Variants in SRSF5 observed in about 807,000 individuals in gnomAD.
SRSF5 encodes the protein serine and arginine rich splicing factor 5.
A neutral mutation model predicts 34.0 loss-of-function variants in SRSF5; 5 were observed. The ratio of observed to expected loss-of-function variants is 0.15; its 90% CI spans 0.08 to 0.31. The LOEUF is 0.31. Ranked by LOEUF, SRSF5 falls within the 10% of genes least tolerant of loss-of-function variation. SRSF5 has a pLI of 1.00. For missense variants in SRSF5, 223 were observed against 351.4 expected (o/e 0.63, Z 2.92); for synonymous variants, 164 against 117.7 (o/e 1.39, Z -2.55).
At position 69,770,928 on chromosome 14, in the gene SRSF5, A is replaced by G. The variant is rs945484138; in HGVS notation, c.441-67A>G. 7 of 1,353,194 alleles carry G rather than the reference A, an allele frequency of 5.2e-6. No individual in the cohort carries two copies. In the African/African-American group the frequency reaches 5.9e-5, roughly 11 times the overall value. 83.8% of individuals were successfully genotyped at this position (1,353,194 alleles called of 1,614,324 possible). A position where few individuals can be genotyped will look rare whatever the true frequency, so the allele number is the denominator to read the frequency against. ...GTGAACATAGAAACGACTTACCTAG[A>G]CTGCTGTGTGCAATGTGTGAGACTA... On this transcript the variant is annotated intron_variant, in intron 6 of 7. Coordinates refer to ENST00000557154, the MANE Select transcript of SRSF5 (RefSeq NM_001320214.2).
In SRSF5 at chr14:69,771,171, T is replaced by G. The variant is rs752768919; in HGVS notation, c.552-23T>G. ...GTTTGTTGTAGAGTCTTATCTAGGCTGATTTCTTTTCATTTTTCATAGTAG... is the reference window on the plus strand; with the variant it reads ...GTTTGTTGTAGAGTCTTATCTAGGCGGATTTCTTTTCATTTTTCATAGTAG... On this transcript the variant is annotated intron_variant, in intron 7 of 7. Transcript: ENST00000557154. 3.1e-6 allele frequency: 5 copies of G among 1,613,846 alleles called. No homozygotes were observed. In the South Asian group the frequency reaches 5.5e-5, roughly 18 times the overall value.
chr14:69,767,655 G>A (rs1049104468), intron 1 of SRSF5: 46 of 390,798 alleles, frequency 1.2e-4, no homozygotes, highest in African/African-American at 9.1e-4. Flanking sequence ...GCGCAGCTCT[G>A]CTGCCTTTGA....
chr14:69,768,594 T>TA lies in SRSF5; in HGVS notation c.127-9dup. 1 of 1,613,828 alleles carries TA rather than the reference T, an allele frequency of 6.2e-7. No individual in the cohort carries two copies. The highest frequency in any genetic ancestry group is 8.5e-7 in the Non-Finnish European group (1 of 1,179,692). On this transcript the variant is annotated splice_polypyrimidine_tract_variant and intron_variant, in intron 2 of 7. Coordinates refer to ENST00000557154, the MANE Select transcript of SRSF5 (RefSeq NM_001320214.2). ...AAGCCAATGTTAAGAGTCTTATGCT[T>TA]ACATTTTAGGAATTTGAGGATCCAA... is the stretch of plus-strand genomic sequence containing the variant.
intron 6 of SRSF5, 76 bp from the exon 7 acceptor site, chr14:69,770,919 C>G: frequency 7.8e-7 from 1 of 1,284,854 alleles, no homozygotes; most frequent in Non-Finnish European, 1.1e-6. Context: ...ATAGAAACGA[C>G]TTACCTAGAC....
At position 69,768,590 on chromosome 14, in the gene SRSF5, T is replaced by C. The variant is rs758364052; in HGVS notation, c.127-14T>C. The C allele has an allele frequency of 3.1e-5, 50 of 1,613,462 alleles. No homozygotes were observed. Among genetic ancestry groups the C allele is most frequent in the Admixed American group, 2.7e-4 (16 of 60,006 alleles). On this transcript the variant is annotated splice_polypyrimidine_tract_variant and intron_variant, in intron 2 of 7. Coordinates refer to ENST00000557154, the MANE Select transcript of SRSF5 (RefSeq NM_001320214.2). ...TCTAAAGCCAATGTTAAGAGTCTTA[T>C]GCTTACATTTTAGGAATTTGAGGAT...
In SRSF5 at chr14:69,771,687, T is replaced by C; in HGVS notation, c.*226T>C. The C allele has an allele frequency of 1.8e-6, 1 of 547,916 alleles. No individual in the cohort carries two copies. Among genetic ancestry groups the C allele is most frequent in the Non-Finnish European group, 3.2e-6 (1 of 314,580 alleles). 33.9% of individuals were successfully genotyped at this position (547,916 alleles called of 1,614,324 possible). ...TTGATAAGCCTTCTGCTCACATTTT[T>C]GTGAATGTCTGAAGTATATAGTTTG... On this transcript the variant is annotated 3_prime_UTR_variant, in exon 8 of 8. Coordinates refer to ENST00000557154, the MANE Select transcript of SRSF5 (RefSeq NM_001320214.2).
At chr14:69,768,769 T>C (rs746451548) in intron 3 of SRSF5, 29 bp from the exon 4 acceptor site, 2 of 1,612,790 alleles carry the variant, frequency 1.2e-6, no homozygotes, top group South Asian at 2.2e-5. Flanking sequence ...CTTAAGTGTG[T>C]AACGGAGATT....
intron 5 of SRSF5, chr14:69,769,809 G>T: frequency 7.5e-7 from 1 of 1,335,396 alleles, no homozygotes; most frequent in Non-Finnish European, 9.6e-7. Context: ...ACGAAATTAG[G>T]TGGTCGTTGG....
chr14:69,771,518 C>G lies in SRSF5; in HGVS notation c.*57C>G. ...TTAAAAAACAAAAACCACAAAAATTCCCAAACCATACTTGCTAAAAATTCT... is the reference window on the plus strand; with the variant it reads ...TTAAAAAACAAAAACCACAAAAATTGCCAAACCATACTTGCTAAAAATTCT... On this transcript the variant is annotated 3_prime_UTR_variant, in exon 8 of 8. Coordinates refer to ENST00000557154, the MANE Select transcript of SRSF5 (RefSeq NM_001320214.2). 1 of 1,576,298 alleles carries G rather than the reference C, an allele frequency of 6.3e-7. No homozygotes were observed. The highest frequency in any genetic ancestry group is 8.6e-7 in the Non-Finnish European group (1 of 1,163,086).
At chr14:69,769,703 C>A in intron 5 of SRSF5, 1 of 1,457,310 alleles carries the variant, frequency 6.9e-7, no homozygotes, top group Non-Finnish European at 9.0e-7. Flanking sequence ...TTGCAGCGAT[C>A]CCAGAGCGTT....
chr14:69,770,847 T>C, intron 6 of SRSF5, 148 bp from the exon 7 acceptor site: 1 of 764,900 alleles, frequency 1.3e-6, no homozygotes, highest in Non-Finnish European at 2.1e-6. Context: ...GCCAAAACTT[T>C]GCTCTTTTAA....
In SRSF5 at chr14:69,768,431, T is replaced by C. The variant is rs570540924; in HGVS notation, c.126+149T>C. ...AATTTTATTGAGGCTGAAAACAACT[T>C]TAACTTGCCGGCTCACTGGAACCCC... On this transcript the variant is annotated intron_variant, in intron 2 of 7. Transcript: ENST00000557154. 7 of 1,330,020 alleles carry C rather than the reference T, an allele frequency of 5.3e-6. No individual in the cohort carries two copies. In the Admixed American group the frequency reaches 1.0e-4, roughly 19 times the overall value. 82.4% of individuals were successfully genotyped at this position (1,330,020 alleles called of 1,614,324 possible).
Position 69,770,453 on chromosome 14 carries a change from T to C in SRSF5, c.367-14T>C. 1.5e-5 allele frequency: 24 copies of C among 1,612,416 alleles called. No homozygotes were observed. Among genetic ancestry groups the C allele is most frequent in the Non-Finnish European group, 2.0e-5 (23 of 1,179,120 alleles). ...TTTCCTCTTCTTTGCTTAACACAATTATCTTGTGTTAAGGATCTCAAAGAT... is the reference window on the plus strand; with the variant it reads ...TTTCCTCTTCTTTGCTTAACACAATCATCTTGTGTTAAGGATCTCAAAGAT... On this transcript the variant is annotated splice_polypyrimidine_tract_variant and intron_variant, in intron 5 of 7. Transcript: ENST00000557154.
chr14:69,769,016 G>C, intron 4 of SRSF5, 120 bp downstream of exon 4: 6 of 1,291,962 alleles, frequency 4.6e-6, no homozygotes, highest in Non-Finnish European at 6.7e-6. Context: ...CTATTCCCAC[G>C]TTAGCCAGTT....
chr14:69,769,275 T>A, intron 5 of SRSF5, 24 bp downstream of exon 5: 4 of 1,613,308 alleles, frequency 2.5e-6, no homozygotes, highest in Non-Finnish European at 3.4e-6. Flanking sequence ...CAGTTTTGAG[T>A]TATTTTGATG....
At chr14:69,767,403 CT>C (rs1882590660) in intron 1 of SRSF5, 148 bp downstream of exon 1, 2 of 455,970 alleles carry the variant, frequency 4.4e-6, no homozygotes, top group South Asian at 3.1e-5. Context: ...GCACGTCTCC[CT>C]TTTGGCATAC....
chr14:69,771,704 T>C lies in SRSF5; in HGVS notation c.*243T>C, dbSNP rs1011038145. The C allele has an allele frequency of 1.8e-5, 9 of 494,566 alleles. No individual in the cohort carries two copies. The highest frequency in any genetic ancestry group is 2.5e-5 in the Non-Finnish European group (7 of 282,212). The allele number at this position is 494,566 out of a possible 1,614,324, so 30.6% of individuals were successfully genotyped here. A position where few individuals can be genotyped will look rare whatever the true frequency, so the allele number is the denominator to read the frequency against. The stretch of plus-strand genomic sequence containing the variant: ...CACATTTTTGTGAATGTCTGAAGTA[T>C]ATAGTTTGTGTATATTGACAGAGCT... On this transcript the variant is annotated 3_prime_UTR_variant, in exon 8 of 8. Coordinates refer to ENST00000557154, the MANE Select transcript of SRSF5 (RefSeq NM_001320214.2).
At chr14:69,768,452 ACCCCACTCCCAGTGGCTC>A (rs1882805038) in intron 2 of SRSF5, 134 bp from the exon 3 acceptor site, 12 of 1,215,480 alleles carry the variant, frequency 9.9e-6, no homozygotes, top group African/African-American at 4.5e-5. Context: ...GCTCACTGGA[ACCCCACTCCCAGTGGCTC>A]CTTGATTAGG....
intron 5 of SRSF5, chr14:69,769,761 T>C: frequency 7.3e-7 from 1 of 1,366,736 alleles, no homozygotes; most frequent in Admixed American, 3.4e-5. Context: ...CCTGTAACGC[T>C]TCCGAATAAG....
Sources: gnomAD v4.1 joint callset for allele counts on GRCh38, gnomAD v4.1.1 for gene constraint, MANE v1.5 for transcripts, NCBI Gene and HGNC (gene_info 2026-07-23, HGNC 2026-07-21) for gene names.